CNTN4: variants seen among roughly 807,000 people sequenced by gnomAD.
The protein encoded by CNTN4 is contactin 4, also known as contactin-4.
In CNTN4, 77 loss-of-function variants were observed where a neutral mutation model predicts 122.5. The observed-to-expected ratio is 0.63, with a 90% CI of 0.52 to 0.76. The LOEUF (loss-of-function observed/expected upper bound fraction) is 0.76, where lower values mean the gene tolerates loss of function less well. Ranked by LOEUF, CNTN4 falls within the 30% of genes least tolerant of loss-of-function variation. The pLI is 0.00. For synonymous variants in CNTN4, 512 were observed against 447.0 expected (o/e 1.15, Z -1.83); for missense variants, 1,256 against 1,259.1 (o/e 1.00, Z 0.04).
At chr3:2,445,283 T>C (rs188002509) in intron 3 of CNTN4, among the ~76,000 whole-genome samples, 1 of 152,276 alleles carries the variant, frequency 6.6e-6, no homozygotes, top group African/African-American at 2.4e-5. Context: ...GGTAACAGCC[T>C]TCCTGCTGGT....
rs574084062 is a variant in CNTN4 at position 2,189,955 on chromosome 3, A to G, written c.-145+89316A>G. Among the ~76,000 whole-genome samples the G allele has an allele frequency of 2.0e-5, 3 of 152,318 alleles. No homozygotes were observed. In the South Asian group the frequency reaches 6.2e-4, roughly 32 times the overall value. ...GCTCCTCAAATCAGTTGTGACACAA[A>G]GGCTTGGACCAGTGTCTCCTCATAC... is the stretch of plus-strand genomic sequence containing the variant. On this transcript the variant is annotated intron_variant, in intron 2 of 24. Transcript: ENST00000418658.
At chr3:2,965,012 A>T (rs1280571008) in intron 13 of CNTN4, among the ~76,000 whole-genome samples, 5 of 152,192 alleles carry the variant, frequency 3.3e-5, no homozygotes, top group Admixed American at 2.6e-4. Flanking sequence ...TCTGATGTGT[A>T]AATGGAATGA....
intron 7 of CNTN4, among the ~76,000 whole-genome samples, chr3:2,843,163 T>A (rs111284692): frequency 2.6e-5 from 4 of 152,208 alleles, no homozygotes; most frequent in African/African-American, 9.7e-5. Context: ...TCCTAAATCT[T>A]ATTCTCCTAT....
chr3:2,808,284 T>C (rs964861415), intron 6 of CNTN4, among the ~76,000 whole-genome samples: 1 of 152,170 alleles, frequency 6.6e-6, no homozygotes, highest in Non-Finnish European at 1.5e-5. Context: ...TCATGGCCTC[T>C]TGATGCATAA....
At chr3:2,882,163 G>A (rs1371352029) in intron 8 of CNTN4, among the ~76,000 whole-genome samples, 1 of 152,136 alleles carries the variant, frequency 6.6e-6, no homozygotes, top group Non-Finnish European at 1.5e-5. Flanking sequence ...AGGAGTTGGA[G>A]ACCAGCCTGG....
chr3:3,044,841 A>C (rs561843567), intron 23 of CNTN4, among the ~76,000 whole-genome samples: 1 of 152,352 alleles, frequency 6.6e-6, no homozygotes, highest in East Asian at 1.9e-4. Flanking sequence ...GCAAAGGGTC[A>C]AGGAATTCCC....
chr3:2,151,650 A>T (rs190540254), intron 2 of CNTN4, among the ~76,000 whole-genome samples: 6 of 152,314 alleles, frequency 3.9e-5, no homozygotes, highest in East Asian at 1.9e-4. Context: ...ACCCTGAGGG[A>T]TCTGCCCTCA....
chr3:3,002,677 T>TTC (rs1387161206), intron 14 of CNTN4, among the ~76,000 whole-genome samples: 1 of 152,140 alleles, frequency 6.6e-6, no homozygotes, highest in Non-Finnish European at 1.5e-5. Flanking sequence ...TGAAGTCCCC[T>TTC]TCTAATTCTA....
chr3:3,012,066 G>A (rs377208340), intron 14 of CNTN4, among the ~76,000 whole-genome samples: 52 of 152,236 alleles, frequency 3.4e-4, no homozygotes, highest in African/African-American at 1.2e-3. Context: ...GTAAGGGGCA[G>A]AGCTAAAATT....
intron 6 of CNTN4, among the ~76,000 whole-genome samples, chr3:2,806,427 C>T (rs866317197): frequency 1.3e-5 from 2 of 152,118 alleles, no homozygotes; most frequent in Admixed American, 6.5e-5. Flanking sequence ...GCTGTCAGGC[C>T]GCACAAAGGA....
intron 3 of CNTN4, among the ~76,000 whole-genome samples, chr3:2,413,057 T>TGC (rs2047284706): frequency 6.6e-6 from 1 of 152,214 alleles, no homozygotes; most frequent in Non-Finnish European, 1.5e-5. Context: ...CATATGATTC[T>TGC]ACAGGATTCC....
chr3:2,782,209 A>G (rs1424619421), intron 6 of CNTN4, among the ~76,000 whole-genome samples: 1 of 151,870 alleles, frequency 6.6e-6, no homozygotes, highest in African/African-American at 2.4e-5. Flanking sequence ...GTCTGACCCC[A>G]GCTTCCCTTC....
At position 2,689,530 on chromosome 3, in the gene CNTN4, C is replaced by T. The variant is rs77323087; in HGVS notation, c.56-46685C>T. On this transcript the variant is annotated intron_variant, in intron 4 of 24. Transcript: ENST00000418658. The stretch of plus-strand genomic sequence containing the variant: ...CCTCAACCCATTTGTCTGCATCTTG[C>T]CAGAGACCACCTGCTTTTCAATGAC... Among the ~76,000 whole-genome samples the T allele has an allele frequency of 3.6e-3, 550 of 152,152 alleles. 3 individuals are homozygous for T. The highest frequency in any genetic ancestry group is 0.01 in the Middle Eastern group (3 of 294).
At chr3:2,646,218 G>C (rs1303943087) in intron 4 of CNTN4, among the ~76,000 whole-genome samples, 4 of 151,956 alleles carry the variant, frequency 2.6e-5, no homozygotes, top group African/African-American at 9.7e-5. Context: ...TGTTCAGTCA[G>C]ACATGGTATC....
At chr3:2,576,334 G>C (rs1309395820) in intron 4 of CNTN4, among the ~76,000 whole-genome samples, 1 of 152,150 alleles carries the variant, frequency 6.6e-6, no homozygotes, top group African/African-American at 2.4e-5. Context: ...TAGATCTCCA[G>C]TTTCAAGCTG....
At position 3,056,705 on chromosome 3, in the gene CNTN4, C is replaced by T. The variant is rs17658623; in HGVS notation, c.*485C>T. The T allele has an allele frequency of 1.0e-2, 1,570 of 157,528 alleles. 8 individuals are homozygous for T. The highest frequency in any genetic ancestry group is 0.053 in the Middle Eastern group (16 of 302). The allele number at this position is 157,528 out of a possible 1,614,324, so 9.8% of individuals were successfully genotyped here. A position where few individuals can be genotyped will look rare whatever the true frequency, so the allele number is the denominator to read the frequency against. ...TTACAAGGATCTCATGGCAGAACAG[C>T]GGAAGACTTGGTCCGTAACTCAAGG... On this transcript the variant is annotated 3_prime_UTR_variant, in exon 25 of 25. Coordinates refer to ENST00000418658, the MANE Select transcript of CNTN4 (RefSeq NM_175607.3).
At chr3:2,233,198 T>C (rs534475501) in intron 2 of CNTN4, among the ~76,000 whole-genome samples, 2 of 152,272 alleles carry the variant, frequency 1.3e-5, no homozygotes, top group African/African-American at 2.4e-5. Context: ...AAGCTAATAA[T>C]TGATGGCCTT....
At chr3:2,303,294 C>G (rs143957960) in intron 2 of CNTN4, among the ~76,000 whole-genome samples, 190 of 152,132 alleles carry the variant, frequency 1.2e-3, no homozygotes, top group African/African-American at 4.4e-3. Context: ...AATTATAATA[C>G]TAATTCATCA....
intron 4 of CNTN4, among the ~76,000 whole-genome samples, chr3:2,636,940 G>GTTTTTT (rs34067643): frequency 1.4e-4 from 13 of 95,094 alleles, no homozygotes; most frequent in Admixed American, 2.7e-4. Context: ...TTTTTTTTTG[G>GTTTTTT]TTTTTTTTTT....
Sources: allele counts gnomAD v4.1 joint callset (sites outside exome capture counted in the v4.1 genomes callset), GRCh38; gene constraint gnomAD v4.1.1; transcripts MANE v1.5; gene names NCBI Gene and HGNC (gene_info 2026-07-23, HGNC 2026-07-21).